The following NFS1 variants were observed in gnomAD, a reference collection of about 807,000 sequenced individuals.
NFS1 encodes NFS1 cysteine desulfurase.
NFS1 carries 26 observed loss-of-function variants against 57.3 expected under a neutral mutation model. That is an observed-to-expected ratio of 0.45 (90% confidence interval 0.33 to 0.63). NFS1 has a LOEUF of 0.63. Among genes scored for constraint, NFS1 ranks in the 20% least tolerant of loss-of-function variants. The pLI is 0.02. For missense variants in NFS1, 505 were observed against 605.8 expected (o/e 0.83, Z 1.75); for synonymous variants, 209 against 216.3 (o/e 0.97, Z 0.30).
At chr20:35,685,350 C>T (rs1038341964) in intron 5 of NFS1, among the ~76,000 whole-genome samples, 1 of 151,598 alleles carries the variant, frequency 6.6e-6, no homozygotes, top group East Asian at 1.9e-4. Flanking sequence ...GAGCAAGTTC[C>T]TCTCTCATTC....
rs768552828 is a variant in NFS1 at position 35,680,872 on chromosome 20, C to G, written c.656-1G>C. On this transcript the variant is annotated splice_acceptor_variant, in intron 6 of 12. Coordinates refer to ENST00000374092, the MANE Select transcript of NFS1 (RefSeq NM_021100.5). LOFTEE classifies it high-confidence loss of function. The stretch of plus-strand genomic sequence containing the variant: ...ACCTTTCTGGAACTGCAAATCCGCC[C>G]TGAGGAAACAGAGGGGAAGACCCAC... 1 of 1,508,044 alleles carries G rather than the reference C, an allele frequency of 6.6e-7. No homozygotes were observed. Among genetic ancestry groups the G allele is most frequent in the East Asian group, 2.5e-5 (1 of 39,294 alleles). The allele number at this position is 1,508,044 out of a possible 1,614,324, so 93.4% of individuals were successfully genotyped here.
At chr20:35,690,184 T>A (rs539636299) in intron 5 of NFS1, among the ~76,000 whole-genome samples, 19 of 151,318 alleles carry the variant, frequency 1.3e-4, no homozygotes, top group African/African-American at 4.4e-4. Context: ...GGCAAAAGAG[T>A]GAGACTCCAT....
chr20:35,695,113 G>A (rs913886900), intron 4 of NFS1, among the ~76,000 whole-genome samples: 18 of 152,138 alleles, frequency 1.2e-4, no homozygotes, highest in African/African-American at 3.9e-4. Context: ...TCCTTGACCT[G>A]TTGGTTTGGA....
At chr20:35,685,458 A>G (rs73277243) in intron 5 of NFS1, among the ~76,000 whole-genome samples, 13,690 of 150,920 alleles carry the variant, frequency 0.091, 1,106 homozygotes, top group African/African-American at 0.19. Flanking sequence ...GAAGGCGGAG[A>G]CTGCAGTGAG....
At chr20:35,689,606 A>C (rs991813745) in intron 5 of NFS1, among the ~76,000 whole-genome samples, 2 of 151,936 alleles carry the variant, frequency 1.3e-5, no homozygotes, top group African/African-American at 4.8e-5. Flanking sequence ...GTCTCTACTA[A>C]AATACAAAAA....
Position 35,669,569 on chromosome 20 carries a change from G to C in NFS1, c.*53C>G. On this transcript the variant is annotated 3_prime_UTR_variant, in exon 13 of 13. Coordinates refer to ENST00000374092, the MANE Select transcript of NFS1 (RefSeq NM_021100.5). The stretch of plus-strand genomic sequence containing the variant: ...TGTAACAAGGTGTCTGGTTGTGCAC[G>C]GGTTGGTGAGGCAGGAGGGGCCAGA... 1 of 1,535,448 alleles carries C rather than the reference G, an allele frequency of 6.5e-7. No individual in the cohort carries two copies. Among genetic ancestry groups the C allele is most frequent in the Non-Finnish European group, 9.0e-7 (1 of 1,108,582 alleles).
intron 3 of NFS1, among the ~76,000 whole-genome samples, chr20:35,697,006 T>G (rs548904041): frequency 6.6e-6 from 1 of 152,306 alleles, no homozygotes; most frequent in Non-Finnish European, 1.5e-5. Flanking sequence ...CTTGGGAGGC[T>G]GAGGTAGGAG....
At chr20:35,683,221 C>T (rs138491319) in intron 5 of NFS1, among the ~76,000 whole-genome samples, 132 of 152,198 alleles carry the variant, frequency 8.7e-4, no homozygotes, top group African/African-American at 3.0e-3. Context: ...TGGTGGCTCA[C>T]GAATGTAATC....
intron 4 of NFS1, 135 bp downstream of exon 4, chr20:35,696,240 GAA>G: frequency 1.5e-6 from 1 of 686,412 alleles, no homozygotes; most frequent in Non-Finnish European, 2.7e-6. Context: ...CAACAAATCA[GAA>G]AGACTGCAAG....
At position 35,679,397 on chromosome 20, in the gene NFS1, T is replaced by C. The variant is rs538954666; in HGVS notation, c.790+1340A>G. On this transcript the variant is annotated intron_variant, in intron 7 of 12. Transcript: ENST00000374092. The stretch of plus-strand genomic sequence containing the variant: ...CGGGGGTTCACCATGTTGATCAGGC[T>C]GGTCTTGAACTCCTGACCTCGTGAT... 3.3e-5 allele frequency among the ~76,000 whole-genome samples: 5 copies of C among 152,272 alleles called. No individual in the cohort carries two copies. The East Asian group carries it at 5.8e-4, about 18-fold the overall frequency.
chr20:35,699,332 G>C lies in NFS1; in HGVS notation c.-44C>G, dbSNP rs1342559842. ...CACCTTCCGAAGCCGCTGCAGTCCT[G>C]GGCCCCAGGCTCCCGGAAGTGCTGC... On this transcript the variant is annotated 5_prime_UTR_variant, in exon 1 of 13. Coordinates refer to ENST00000374092, the MANE Select transcript of NFS1 (RefSeq NM_021100.5). The surrounding 1 kb of genome is among the most constrained non-coding windows in gnomAD (Gnocchi z 4.4). The C allele has an allele frequency of 2.3e-5, 32 of 1,396,190 alleles. No homozygotes were observed. Among genetic ancestry groups the C allele is most frequent in the Non-Finnish European group, 3.0e-5 (32 of 1,078,444 alleles). The allele number at this position is 1,396,190 out of a possible 1,614,324, so 86.5% of individuals were successfully genotyped here. A position where few individuals can be genotyped will look rare whatever the true frequency, so the allele number is the denominator to read the frequency against.
chr20:35,682,067 G>C (rs2034857386), intron 5 of NFS1, 86 bp from the exon 6 acceptor site: 1 of 715,840 alleles, frequency 1.4e-6, no homozygotes, highest in East Asian at 2.7e-5. Flanking sequence ...TCATGAAAAG[G>C]AGTCTTATAC....
At chr20:35,698,724 A>T in intron 1 of NFS1, 134 bp from the exon 2 acceptor site, 1 of 1,419,738 alleles carries the variant, frequency 7.0e-7, no homozygotes, top group Non-Finnish European at 9.2e-7. Flanking sequence ...ATCTCAATGG[A>T]AAGAAAACAA....
At chr20:35,691,800 C>A (rs1437995630) in intron 4 of NFS1, among the ~76,000 whole-genome samples, 1 of 149,508 alleles carries the variant, frequency 6.7e-6, no homozygotes, top group Non-Finnish European at 1.5e-5. Context: ...CCTGTAATCC[C>A]TCCACTTTGG....
chr20:35,690,767 A>G (rs2035028081), intron 4 of NFS1, among the ~76,000 whole-genome samples: 1 of 152,188 alleles, frequency 6.6e-6, no homozygotes, highest in African/African-American at 2.4e-5. Flanking sequence ...GCTCAATCGT[A>G]CAAGACTGCC....
rs563330387 is a variant in NFS1, at chr20:35,668,782, T to C, written c.*840A>G. 1 of 152,336 alleles carries C rather than the reference T, an allele frequency of 6.6e-6. No homozygotes were observed. The highest frequency in any genetic ancestry group is 2.4e-5 in the African/African-American group (1 of 41,576). 9.4% of individuals were successfully genotyped at this position (152,336 alleles called of 1,614,324 possible). A position where few individuals can be genotyped will look rare whatever the true frequency, so the allele number is the denominator to read the frequency against. ...AGGGCAGGGTCTTTTTTGGTCCTGT[T>C]AACCAGTGTATTCCTAATACCCAGA... On this transcript the variant is annotated 3_prime_UTR_variant, in exon 13 of 13. Coordinates refer to ENST00000374092, the MANE Select transcript of NFS1 (RefSeq NM_021100.5).
chr20:35,699,213 T>C lies in NFS1; in HGVS notation c.76A>G (p.Thr26Ala). 2 of 1,425,920 alleles carry C rather than the reference T, an allele frequency of 1.4e-6. No homozygotes were observed. Among genetic ancestry groups the C allele is most frequent in the South Asian group, 2.9e-5 (2 of 68,516 alleles). 88.3% of individuals were successfully genotyped at this position (1,425,920 alleles called of 1,614,324 possible). Residue 26 changes from threonine to alanine, a missense_variant, in exon 1 of 13, where the codon ACT becomes GCT. Coordinates refer to ENST00000374092, the MANE Select transcript of NFS1 (RefSeq NM_021100.5). This position sits in a 1 kb window ranked among gnomAD's most constrained non-coding sequence, Gnocchi z 4.4. Reference protein sequence around the residue: ...AAPGPKPAAPTRGLRLRVGDR... With the variant: ...AAPGPKPAAPARGLRLRVGDR... The stretch of plus-strand genomic sequence containing the variant: ...GTACCGCGCAGGCGCAGCCCCCGAG[T>C]GGGCGCCGCGGGCTTCGGCCCTGGA...
At chr20:35,684,333 G>C (rs1411975516) in intron 5 of NFS1, among the ~76,000 whole-genome samples, 1 of 151,554 alleles carries the variant, frequency 6.6e-6, no homozygotes, top group Non-Finnish European at 1.5e-5. Flanking sequence ...GCGTGAACCT[G>C]GGAGGCGGAG....
intron 5 of NFS1, 137 bp downstream of exon 5, chr20:35,690,276 G>A: frequency 1.2e-6 from 1 of 811,368 alleles, no homozygotes; most frequent in Admixed American, 2.3e-5. Flanking sequence ...CTCGTTCTCT[G>A]CCAGGCTTAT....
Sources: gnomAD v4.1 joint callset for allele counts (sites outside exome capture counted in the v4.1 genomes callset) on GRCh38, gnomAD v4.1.1 for gene constraint, Gnocchi (gnomAD v3.1) non-coding constraint, MANE v1.5 for transcripts, NCBI Gene and HGNC (gene_info 2026-07-23, HGNC 2026-07-21) for gene names.